Variants in BCL2A1 observed in about 807,000 individuals in gnomAD.
BCL2A1 encodes bcl-2-related protein A1.
In BCL2A1, 10 loss-of-function variants were observed where a neutral mutation model predicts 14.4. The ratio of observed to expected loss-of-function variants is 0.69; its 90% CI spans 0.43 to 1.18. The LOEUF (loss-of-function observed/expected upper bound fraction) is 1.18. Among genes scored for constraint, BCL2A1 ranks in the 50% most tolerant of loss-of-function variants. The pLI is 0.00. For synonymous variants in BCL2A1, 71 were observed against 76.5 expected (o/e 0.93, Z 0.38); for missense variants, 158 against 205.0 (o/e 0.77, Z 1.40).
Position 79,971,011 on chromosome 15 carries a change from G to A in BCL2A1, c.109C>T (p.Leu37=), listed in dbSNP as rs773909871. ...TGGACTGAGAACGCAACATTTTGTAGCACTCTGGACGTTTTGCTTGGACCT... is the reference window on the plus strand; with the variant it reads ...TGGACTGAGAACGCAACATTTTGTAACACTCTGGACGTTTTGCTTGGACCT... ...GSGPSKTSRV[L]QNVAFSVQKE... The change falls in exon 1 of 2, where the codon CTA becomes TTA. Residue 37 remains leucine (L), a synonymous_variant. Transcript: ENST00000267953. 3 of 1,614,138 alleles carry A rather than the reference G, an allele frequency of 1.9e-6. No homozygotes were observed. In the Admixed American group the frequency reaches 5.0e-5, roughly 27 times the overall value.
At chr15:79,964,735 GAAGGC>G (rs2035522159) in intron 1 of BCL2A1, among the ~76,000 whole-genome samples, 1 of 152,194 alleles carries the variant, frequency 6.6e-6, no homozygotes, top group South Asian at 2.1e-4. Context: ...AAACTATTAT[GAAGGC>G]AATAAAGTTG....
Position 79,970,852 on chromosome 15 carries a change from CA to C in BCL2A1, c.267del (p.Ile89MetfsTer2). The C allele has an allele frequency of 1.2e-6, 2 of 1,614,256 alleles. No homozygotes were observed. Among genetic ancestry groups the C allele is most frequent in the Non-Finnish European group, 1.7e-6 (2 of 1,180,048 alleles). On this transcript the variant is annotated frameshift_variant, in exon 1 of 2. Transcript: ENST00000267953. LOFTEE classifies it high-confidence loss of function. ...ATACCTTCAAATGCAAATATGGTTACAATTCTTCCCCAGTTAATGATGCCGT... is the reference window on the plus strand; with the variant it reads ...ATACCTTCAAATGCAAATATGGTTACATTCTTCCCCAGTTAATGATGCCGT... ...FEDGIINWGR[I>X]VTIFAFEGIL...
intron 1 of BCL2A1, among the ~76,000 whole-genome samples, chr15:79,962,925 C>G (rs1469491672): frequency 6.6e-6 from 1 of 151,812 alleles, no homozygotes; most frequent in Non-Finnish European, 1.5e-5. Context: ...ACATCAATGT[C>G]GAAAGGACAG....
chr15:79,965,403 A>G (rs1170376024), intron 1 of BCL2A1, among the ~76,000 whole-genome samples: 3 of 152,220 alleles, frequency 2.0e-5, no homozygotes, highest in Non-Finnish European at 4.4e-5. Context: ...CTGGGAATAC[A>G]GACTTGAGCC....
chr15:79,964,472 A>C (rs2035519392), intron 1 of BCL2A1, among the ~76,000 whole-genome samples: 1 of 152,090 alleles, frequency 6.6e-6, no homozygotes, highest in Admixed American at 6.6e-5. Context: ...GTTTCAAAAA[A>C]ACAAACAAAC....
intron 1 of BCL2A1, among the ~76,000 whole-genome samples, chr15:79,967,462 C>T (rs1170144293): frequency 6.6e-6 from 1 of 152,106 alleles, no homozygotes; most frequent in African/African-American, 2.4e-5. Flanking sequence ...GTAATCCACC[C>T]ACCTCAGCCT....
intron 1 of BCL2A1, among the ~76,000 whole-genome samples, chr15:79,965,405 A>G (rs8033923): frequency 0.33 from 50,726 of 152,082 alleles, 10,737 homozygotes; most frequent in African/African-American, 0.58. Flanking sequence ...GGGAATACAG[A>G]CTTGAGCCAA....
chr15:79,963,147 A>T (rs2035507150), intron 1 of BCL2A1, among the ~76,000 whole-genome samples: 1 of 150,774 alleles, frequency 6.6e-6, no homozygotes, highest in Admixed American at 6.6e-5. Flanking sequence ...ACGCCACCAC[A>T]CCCAGCTAAT....
intron 1 of BCL2A1, 123 bp downstream of exon 1, chr15:79,970,577 C>A (rs1433913376): frequency 1.1e-5 from 11 of 1,046,860 alleles, no homozygotes; most frequent in Middle Eastern, 2.3e-4. Flanking sequence ...AAAATTAAAA[C>A]AAACCACCCA....
chr15:79,971,073 T>C lies in BCL2A1; in HGVS notation c.47A>G (p.Tyr16Cys), dbSNP rs2035589676. ...TGGTATCTGTAGGACGCACTGCAGATAGTCCTGAGCCAGCCTGTAAATATA... is the reference window on the plus strand; with the variant it reads ...TGGTATCTGTAGGACGCACTGCAGACAGTCCTGAGCCAGCCTGTAAATATA... ...FGYIYRLAQD[Y>C]LQCVLQIPQP... Residue 16 changes from tyrosine to cysteine, a missense_variant, in exon 1 of 2, where the codon TAT (tyrosine) becomes TGT (cysteine). Transcript: ENST00000267953. 1 of 1,614,228 alleles carries C rather than the reference T, an allele frequency of 6.2e-7. No individual in the cohort carries two copies. The highest frequency in any genetic ancestry group is 8.5e-7 in the Non-Finnish European group (1 of 1,180,024).
chr15:79,961,064 T>C lies in BCL2A1; in HGVS notation c.*3A>G. 6.2e-7 allele frequency: 1 copy of C among 1,613,944 alleles called. No homozygotes were observed. Among genetic ancestry groups the C allele is most frequent in the African/African-American group, 1.3e-5 (1 of 75,046 alleles). ...GTTTCACAATATGGAGTGTCCTTTC[T>C]GGTCAACAGTATTGCTTCAGGAGAG... is the stretch of plus-strand genomic sequence containing the variant. On this transcript the variant is annotated 3_prime_UTR_variant, in exon 2 of 2. Transcript: ENST00000267953.
chr15:79,966,224 A>G (rs1567023803), intron 1 of BCL2A1, among the ~76,000 whole-genome samples: 1 of 152,256 alleles, frequency 6.6e-6, no homozygotes, highest in East Asian at 1.9e-4. Context: ...ATTAAATATT[A>G]CATATATAAT....
At chr15:79,961,614 T>C (rs762199000) in intron 1 of BCL2A1, among the ~76,000 whole-genome samples, 22 of 152,186 alleles carry the variant, frequency 1.4e-4, no homozygotes, top group Non-Finnish European at 3.1e-4. Context: ...TCTTGTTCAA[T>C]TGTCCAACAT....
rs766754775 is a variant in BCL2A1, at chr15:79,971,025, T to C, written c.95A>G (p.Lys32Arg). The stretch of plus-strand genomic sequence containing the variant: ...AACATTTTGTAGCACTCTGGACGTT[T>C]TGCTTGGACCTGATCCAGGTTGTGG... Reference protein sequence around the residue: ...QIPQPGSGPSKTSRVLQNVAF... With the variant: ...QIPQPGSGPSRTSRVLQNVAF... The change falls in exon 1 of 2, where the codon AAA becomes AGA. Residue 32 changes from lysine (K) to arginine (R), a missense_variant. Lys to Arg is a conservative substitution (Grantham distance 26). Transcript: ENST00000267953. The C allele has an allele frequency of 1.9e-6, 3 of 1,614,218 alleles. No homozygotes were observed. Among genetic ancestry groups the C allele is most frequent in the Non-Finnish European group, 2.5e-6 (3 of 1,180,022 alleles).
intron 1 of BCL2A1, among the ~76,000 whole-genome samples, chr15:79,968,042 T>C (rs1450379978): frequency 6.6e-6 from 1 of 152,188 alleles, no homozygotes; most frequent in Non-Finnish European, 1.5e-5. Context: ...CACTCATGTT[T>C]ACATCTGTAC....
At chr15:79,963,276 C>A (rs1256059182) in intron 1 of BCL2A1, among the ~76,000 whole-genome samples, 1 of 152,104 alleles carries the variant, frequency 6.6e-6, no homozygotes, top group East Asian at 1.9e-4. Flanking sequence ...GCATGAGCCA[C>A]CGTGCCTAGC....
intron 1 of BCL2A1, among the ~76,000 whole-genome samples, chr15:79,961,581 T>C (rs774826944): frequency 1.3e-5 from 2 of 152,182 alleles, no homozygotes; most frequent in Non-Finnish European, 2.9e-5. Context: ...CTCTAGAGGA[T>C]AGAAAGCCTT....
Sources: allele counts gnomAD v4.1 joint callset (sites outside exome capture counted in the v4.1 genomes callset), GRCh38; gene constraint gnomAD v4.1.1; transcripts MANE v1.5; gene names NCBI Gene and HGNC (gene_info 2026-07-23, HGNC 2026-07-21).